Variants in ENTREP2 observed in about 807,000 individuals in gnomAD.
The protein encoded by ENTREP2 is endosomal transmembrane epsin interactor 2.
the ENTREP2 span, among the ~76,000 whole-genome samples, chr15:29,187,777 G>C: frequency 6.6e-6 from 1 of 152,242 alleles, no homozygotes; most frequent in African/African-American, 2.4e-5. Context: ...CTGTAAGCCA[G>C]AAAAAGACAG....
chr15:29,667,758 A>T, the ENTREP2 span, among the ~76,000 whole-genome samples: 1 of 152,072 alleles, frequency 6.6e-6, no homozygotes, highest in East Asian at 1.9e-4. Context: ...GGCCTCCCAA[A>T]GTGCTGGGAT....
At chr15:29,383,771 CACAAAACA>C in the ENTREP2 span, among the ~76,000 whole-genome samples, 2 of 152,216 alleles carry the variant, frequency 1.3e-5, no homozygotes, top group Middle Eastern at 3.4e-3. Flanking sequence ...AACATCTGGC[CACAAAACA>C]ACAAAACAAC....
At chr15:29,499,269 T>C in the ENTREP2 span, among the ~76,000 whole-genome samples, 1 of 151,376 alleles carries the variant, frequency 6.6e-6, no homozygotes, top group African/African-American at 2.4e-5. Flanking sequence ...TCTGTAGCAG[T>C]ATGCTTTGAT....
At chr15:29,535,549 G>A in the ENTREP2 span, among the ~76,000 whole-genome samples, 1 of 152,044 alleles carries the variant, frequency 6.6e-6, no homozygotes, top group South Asian at 2.1e-4. Context: ...AATTAGCCAG[G>A]TATGGTGATA....
the ENTREP2 span, among the ~76,000 whole-genome samples, chr15:29,198,434 A>G: frequency 3.3e-5 from 5 of 152,198 alleles, no homozygotes; most frequent in African/African-American, 4.8e-5. Context: ...ACTCCCACCA[A>G]TAGGGTGTGA....
chr15:29,427,677 C>A, the ENTREP2 span, among the ~76,000 whole-genome samples: 6 of 152,166 alleles, frequency 3.9e-5, no homozygotes, highest in Non-Finnish European at 5.9e-5. Context: ...CTACCTTGAA[C>A]CCATTCAGAT....
chr15:29,122,834 G>C, the ENTREP2 span: 1 of 154,286 alleles, frequency 6.5e-6, no homozygotes, highest in Admixed American at 6.4e-5. Flanking sequence ...AAATAGGCCA[G>C]AGCGTGATGA....
chr15:29,640,337 T>C, the ENTREP2 span, among the ~76,000 whole-genome samples: 4 of 152,028 alleles, frequency 2.6e-5, no homozygotes, highest in African/African-American at 7.2e-5. Context: ...TAAATAGTCA[T>C]AGAAAAGAGA....
At chr15:29,213,592 G>A in the ENTREP2 span, among the ~76,000 whole-genome samples, 1,000 of 152,172 alleles carry the variant, frequency 6.6e-3, 6 homozygotes, top group Non-Finnish European at 0.011. Flanking sequence ...CTCTCTGCTT[G>A]TCTGTTATTG....
the ENTREP2 span, among the ~76,000 whole-genome samples, chr15:29,422,228 C>T: frequency 6.6e-6 from 1 of 151,844 alleles, no homozygotes; most frequent in Non-Finnish European, 1.5e-5. Flanking sequence ...CGAGGTCGCG[C>T]CATTGCACTC....
At chr15:29,155,338 G>T in the ENTREP2 span, among the ~76,000 whole-genome samples, 1 of 151,898 alleles carries the variant, frequency 6.6e-6, no homozygotes, top group African/African-American at 2.4e-5. Flanking sequence ...GCAAGGCTCA[G>T]TTTAGGGCTA....
chr15:29,385,416 T>C, the ENTREP2 span, among the ~76,000 whole-genome samples: 2 of 152,200 alleles, frequency 1.3e-5, no homozygotes, highest in Admixed American at 1.3e-4. Flanking sequence ...ACAATGTGCA[T>C]TTCCAAGTAT....
the ENTREP2 span, among the ~76,000 whole-genome samples, chr15:29,356,855 G>A: frequency 3.9e-5 from 6 of 152,040 alleles, no homozygotes; most frequent in Non-Finnish European, 7.4e-5. Context: ...CCCAATAAGG[G>A]AGTCTTTCAT....
the ENTREP2 span, among the ~76,000 whole-genome samples, chr15:29,190,330 A>G: frequency 6.6e-6 from 1 of 151,864 alleles, no homozygotes; most frequent in East Asian, 1.9e-4. Context: ...CTCAAGAGAG[A>G]GGCTTGTTGG....
At chr15:29,584,404 T>C in the ENTREP2 span, among the ~76,000 whole-genome samples, 1 of 151,684 alleles carries the variant, frequency 6.6e-6, no homozygotes, top group Non-Finnish European at 1.5e-5. Flanking sequence ...AATCATCCAT[T>C]GATGGATGAA....
At chr15:29,384,903 G>A in the ENTREP2 span, among the ~76,000 whole-genome samples, 2 of 152,152 alleles carry the variant, frequency 1.3e-5, no homozygotes, top group Non-Finnish European at 2.9e-5. Flanking sequence ...CCCAACACTG[G>A]CCTCACGCAG....
At chr15:29,254,161 CAA>C in the ENTREP2 span, among the ~76,000 whole-genome samples, 2,308 of 61,132 alleles carry the variant, frequency 0.038, 44 homozygotes, top group African/African-American at 0.14. Context: ...TGTTAAAGAG[CAA>C]AAAAAAAAAA....
chr15:29,646,434 G>A, the ENTREP2 span, among the ~76,000 whole-genome samples: 1 of 152,198 alleles, frequency 6.6e-6, no homozygotes, highest in Non-Finnish European at 1.5e-5. Context: ...CTGGTTGTCA[G>A]CTAGGGGTGA....
the ENTREP2 span, among the ~76,000 whole-genome samples, chr15:29,313,904 C>A: frequency 1.3e-5 from 2 of 152,142 alleles, no homozygotes; most frequent in African/African-American, 2.4e-5. Flanking sequence ...GGGAGGAGGT[C>A]AAAATAGCTA....
Sources: gnomAD v4.1 joint callset for allele counts (sites outside exome capture counted in the v4.1 genomes callset) on GRCh38, gnomAD v4.1.1 for gene constraint, MANE v1.5 for transcripts, NCBI Gene and HGNC (gene_info 2026-07-23, HGNC 2026-07-21) for gene names.